RPP14: variants seen among roughly 807,000 people sequenced by gnomAD.
RPP14 encodes the protein ribonuclease P/MRP subunit p14.
A neutral mutation model predicts 17.8 loss-of-function variants in RPP14; 19 were observed. The ratio of observed to expected loss-of-function variants is 1.07; its 90% CI spans 0.74 to 1.57. The LOEUF (loss-of-function observed/expected upper bound fraction) is 1.57, where lower values mean the gene tolerates loss of function less well. Among genes scored for constraint, RPP14 ranks in the 40% most tolerant of loss-of-function variants. The pLI is 0.00. For synonymous variants in RPP14, 60 were observed against 56.4 expected, an observed-to-expected ratio of 1.06 and a Z score of -0.29; for missense variants, 125 against 140.8, an observed-to-expected ratio of 0.89 and a Z score of 0.57.
At chr3:58,312,384 C>T (rs770289114) in intron 3 of RPP14, among the ~76,000 whole-genome samples, 4 of 145,390 alleles carry the variant, frequency 2.8e-5, no homozygotes, top group South Asian at 2.4e-4. Context: ...CTCAGCCTCC[C>T]GAGTAGCTGA....
intron 3 of RPP14, 135 bp from the exon 4 acceptor site, chr3:58,316,380 A>G (rs767930973): frequency 8.1e-6 from 6 of 740,836 alleles, no homozygotes; most frequent in South Asian, 1.7e-5. Context: ...GTAGGCAACT[A>G]AAGTGCCAGC....
At chr3:58,313,597 T>G (rs1406803474) in intron 3 of RPP14, among the ~76,000 whole-genome samples, 1 of 151,094 alleles carries the variant, frequency 6.6e-6, no homozygotes, top group Non-Finnish European at 1.5e-5. Context: ...GCCAAGCGGG[T>G]GGATCACTTG....
At chr3:58,311,504 C>T (rs4336087) in intron 3 of RPP14, among the ~76,000 whole-genome samples, 16,380 of 152,202 alleles carry the variant, frequency 0.11, 1,178 homozygotes, top group African/African-American at 0.19. Context: ...CAACAGTTGT[C>T]TTTCTGTGCC....
In RPP14 at chr3:58,310,480, GAC is replaced by G. The variant is rs370699331; in HGVS notation, c.78-26_78-25del. 3.3e-4 allele frequency: 497 copies of G among 1,512,582 alleles called. 2 individuals carry two copies. Among genetic ancestry groups the G allele is most frequent in the African/African-American group, 6.9e-4 (44 of 63,774 alleles). 93.7% of individuals were successfully genotyped at this position (1,512,582 alleles called of 1,614,324 possible). ...ATCTGAATAGAATGAAATTTAATAT[GAC>G]TTTTTTTTTTTTCACTTTTTTTAGA... is the stretch of plus-strand genomic sequence containing the variant. On this transcript the variant is annotated intron_variant, in intron 2 of 5. Coordinates refer to ENST00000295959, the MANE Select transcript of RPP14 (RefSeq NM_007042.6).
At chr3:58,307,994 T>A (rs1414800300) in intron 1 of RPP14, 1 of 152,144 alleles carries the variant, frequency 6.6e-6, no homozygotes, top group African/African-American at 2.4e-5. Flanking sequence ...GTCTTCGTTT[T>A]ACTGGCATCT....
rs1281944050 is a variant in RPP14 at position 58,317,491 on chromosome 3, G to A, written c.370G>A (p.Asp124Asn). Residue 124 changes from aspartate to asparagine, a missense_variant, in exon 6 of 6, where the codon GAT becomes AAT. Asp to Asn is a conservative substitution (Grantham distance 23). Transcript: ENST00000295959. ...LSGNSRELVL[D>N] is the part of the protein sequence containing the mutation. ...TGGTAATAGTAGGGAACTAGTATTG[G>A]ATTGAATGAATAGTCTTCCATTTTG... The A allele has an allele frequency of 6.3e-7, 1 of 1,579,908 alleles. No individual in the cohort carries two copies. Among genetic ancestry groups the A allele is most frequent in the Non-Finnish European group, 8.7e-7 (1 of 1,150,832 alleles).
At position 58,318,992 on chromosome 3, in the gene RPP14, C is replaced by CA. The variant is rs376125456; in HGVS notation, c.*1510dup. The CA allele has an allele frequency of 1.6e-3, 192 of 116,370 alleles. No individual in the cohort carries two copies. Among genetic ancestry groups the CA allele is most frequent in the East Asian group, 6.2e-3 (24 of 3,874 alleles). The allele number at this position is 116,370 out of a possible 1,614,324, so 7.2% of individuals were successfully genotyped here. On this transcript the variant is annotated 3_prime_UTR_variant, in exon 6 of 6. Transcript: ENST00000295959. ...TGGGTGACAGAGCAAAACTCCACCT[C>CA]AAAAAAAAAAAAAAGATTCTACTTT...
chr3:58,317,056 A>G, intron 5 of RPP14, 63 bp downstream of exon 5: 3 of 1,146,254 alleles, frequency 2.6e-6, no homozygotes, highest in Non-Finnish European at 3.9e-6. Context: ...GCTTCTTAAT[A>G]TACACAACTC....
intron 3 of RPP14, among the ~76,000 whole-genome samples, chr3:58,312,543 C>T (rs1259372315): frequency 1.3e-5 from 2 of 152,114 alleles, no homozygotes; most frequent in African/African-American, 2.4e-5. Flanking sequence ...TGACAAGGAA[C>T]ACGTTAGACA....
intron 3 of RPP14, among the ~76,000 whole-genome samples, chr3:58,312,319 T>C (rs1198211900): frequency 7.5e-6 from 1 of 133,536 alleles, no homozygotes; most frequent in Non-Finnish European, 1.6e-5. Context: ...TGGAGTGCAG[T>C]GGCACAACCT....
intron 3 of RPP14, among the ~76,000 whole-genome samples, chr3:58,314,811 A>G (rs2097486616): frequency 3.3e-5 from 5 of 150,250 alleles, no homozygotes; most frequent in Admixed American, 2.7e-4. Flanking sequence ...CAGCCTCCCA[A>G]GTAGCTAGGA....
At position 58,317,474 on chromosome 3, in the gene RPP14, G is replaced by A. The variant is rs771539790; in HGVS notation, c.353G>A (p.Ser118Asn). 1 of 1,597,018 alleles carries A rather than the reference G, an allele frequency of 6.3e-7. No homozygotes were observed. The highest frequency in any genetic ancestry group is 8.6e-7 in the Non-Finnish European group (1 of 1,165,534). Residue 118 changes from serine to asparagine, a missense_variant, in exon 6 of 6, where the codon AGT becomes AAT. Coordinates refer to ENST00000295959, the MANE Select transcript of RPP14 (RefSeq NM_007042.6). ...TTTCTTCTTGCATTATCTGGTAATA[G>A]TAGGGAACTAGTATTGGATTGAATG... is the stretch of plus-strand genomic sequence containing the variant. Reference protein sequence around the residue: ...SPFLLALSGNSRELVLD With the variant: ...SPFLLALSGNNRELVLD
chr3:58,311,107 T>C (rs2097481737), intron 3 of RPP14, among the ~76,000 whole-genome samples: 1 of 151,698 alleles, frequency 6.6e-6, no homozygotes, highest in Non-Finnish European at 1.5e-5. Flanking sequence ...TAATCACCAA[T>C]CTACTTTCTA....
chr3:58,316,959 A>G lies in RPP14; in HGVS notation c.284A>G (p.Tyr95Cys), dbSNP rs377745211. Reference protein sequence around the residue: ...LWSSLTLLGSYKGKKCAFRVI... With the variant: ...LWSSLTLLGSCKGKKCAFRVI... Reference sequence around the variant, plus strand: ...AGCTCTTTGACCCTGTTAGGATCCTATAAAGGCAAAAAATGTGCTTTCCGG... The same window carrying G: ...AGCTCTTTGACCCTGTTAGGATCCTGTAAAGGCAAAAAATGTGCTTTCCGG... The change falls in exon 5 of 6, where the codon TAT becomes TGT. Residue 95 changes from tyrosine to cysteine, a missense_variant. By Grantham distance (194) the Tyr-to-Cys change is radical. Coordinates refer to ENST00000295959, the MANE Select transcript of RPP14 (RefSeq NM_007042.6). 14 of 1,613,946 alleles carry G rather than the reference A, an allele frequency of 8.7e-6. No individual in the cohort carries two copies. The highest frequency in any genetic ancestry group is 1.2e-5 in the Non-Finnish European group (14 of 1,179,954).
intron 1 of RPP14, among the ~76,000 whole-genome samples, chr3:58,308,773 A>C (rs1288838638): frequency 1.3e-5 from 2 of 150,916 alleles, no homozygotes; most frequent in African/African-American, 2.4e-5. Context: ...TGGGGGATCC[A>C]TATATTAAAC....
chr3:58,316,379 TA>T, intron 3 of RPP14, 135 bp from the exon 4 acceptor site: 1 of 737,782 alleles, frequency 1.4e-6, no homozygotes, highest in Non-Finnish European at 2.3e-6. Flanking sequence ...AGTAGGCAAC[TA>T]AAGTGCCAGC....
chr3:58,311,767 C>G (rs1468260009), intron 3 of RPP14, among the ~76,000 whole-genome samples: 1 of 151,922 alleles, frequency 6.6e-6, no homozygotes, highest in Admixed American at 6.6e-5. Context: ...GCATGAGCCA[C>G]TATGCCCAGC....
At chr3:58,308,367 T>C (rs1019970328) in intron 1 of RPP14, among the ~76,000 whole-genome samples, 1 of 152,186 alleles carries the variant, frequency 6.6e-6, no homozygotes, top group Admixed American at 6.6e-5. Flanking sequence ...CACTGTATCC[T>C]TAACCTCCCA....
rs1306112755 is a variant in RPP14, at chr3:58,309,688, G to A, written c.-21-621G>A. ...AGGCGTATCACGAGGTCAGGAGTTC[G>A]AGACCAGCCTGACCAATATGGTGAA... On this transcript the variant is annotated intron_variant, in intron 1 of 5. Transcript: ENST00000295959. Among the ~76,000 whole-genome samples the A allele has an allele frequency of 3.3e-5, 5 of 152,198 alleles. 1 individual carries two copies. Among genetic ancestry groups the A allele is most frequent in the Non-Finnish European group, 2.9e-5 (2 of 68,008 alleles).
Sources: allele counts gnomAD v4.1 joint callset (sites outside exome capture counted in the v4.1 genomes callset), GRCh38; gene constraint gnomAD v4.1.1; transcripts MANE v1.5; gene names NCBI Gene and HGNC (gene_info 2026-07-23, HGNC 2026-07-21).